Variants in ANKHD1 observed in about 807,000 individuals in gnomAD.
The protein encoded by ANKHD1 is ankyrin repeat and KH domain containing 1.
Under a neutral mutation model 230.5 loss-of-function variants are expected in ANKHD1, and 31 were observed. The observed-to-expected ratio is 0.13, with a 90% CI of 0.10 to 0.18. The LOEUF (loss-of-function observed/expected upper bound fraction) is 0.18. Ranked by LOEUF, ANKHD1 falls within the 10% of genes least tolerant of loss-of-function variation. ANKHD1 has a pLI of 1.00. For missense variants in ANKHD1, 2,256 were observed against 3,071.3 expected (o/e 0.73, Z 6.27); for synonymous variants, 1,074 against 1,117.6 (o/e 0.96, Z 0.78).
intron 1 of ANKHD1, among the ~76,000 whole-genome samples, chr5:140,416,912 G>C (rs532606504): frequency 6.7e-6 from 1 of 150,322 alleles, no homozygotes; most frequent in African/African-American, 2.4e-5. Context: ...GGATTGTATT[G>C]AATCTATAGA....
At chr5:140,497,319 T>C in intron 15 of ANKHD1, 41 bp downstream of exon 15, 1 of 1,550,068 alleles carries the variant, frequency 6.5e-7, no homozygotes, top group Non-Finnish European at 8.6e-7. Context: ...CTCTTTAATC[T>C]GTGTGCTGAA....
chr5:140,494,509 T>C (rs751494196), intron 14 of ANKHD1, among the ~76,000 whole-genome samples: 39 of 152,266 alleles, frequency 2.6e-4, no homozygotes, highest in Non-Finnish European at 5.0e-4. Context: ...ACTAAGCCTC[T>C]GAAAGTGATT....
At chr5:140,503,553 C>CTTTTTTTTTTTTTTTTTTTTTTTTTTT (rs70988767) in intron 15 of ANKHD1, among the ~76,000 whole-genome samples, 1 of 51,412 alleles carries the variant, frequency 1.9e-5, no homozygotes, top group Non-Finnish European at 3.3e-5. Flanking sequence ...AGTTTTCTTT[C>CTTTTTTTTTTTTTTTTTTTTTTTTTTT]TTTTTTTTTT....
At chr5:140,526,662 C>T (rs1199412632) in intron 26 of ANKHD1, among the ~76,000 whole-genome samples, 1 of 150,078 alleles carries the variant, frequency 6.7e-6, no homozygotes, top group East Asian at 2.0e-4. Flanking sequence ...GATTCATAGT[C>T]TGAAGTTGAA....
At chr5:140,479,969 G>A (rs1751196470) in intron 10 of ANKHD1, among the ~76,000 whole-genome samples, 1 of 148,624 alleles carries the variant, frequency 6.7e-6, no homozygotes, top group African/African-American at 2.5e-5. Flanking sequence ...TACATATATA[G>A]ATATATTATT....
chr5:140,462,724 CAA>C (rs70988762), intron 9 of ANKHD1, among the ~76,000 whole-genome samples: 15 of 89,008 alleles, frequency 1.7e-4, no homozygotes, highest in Admixed American at 2.8e-4. Flanking sequence ...GACTCCATCT[CAA>C]AAAAAAAAAA....
Position 140,527,735 on chromosome 5 carries a change from A to G in ANKHD1, c.5088-138A>G. The G allele has an allele frequency of 2.7e-6, 3 of 1,122,376 alleles. No homozygotes were observed. 69.5% of individuals were successfully genotyped at this position (1,122,376 alleles called of 1,614,324 possible). A position where few individuals can be genotyped will look rare whatever the true frequency, so the allele number is the denominator to read the frequency against. On this transcript the variant is annotated intron_variant, in intron 27 of 33. Transcript: ENST00000360839. This position sits in a 1 kb window ranked among gnomAD's most constrained non-coding sequence, Gnocchi z 4.5. ...ATTACAAGAGATCAATTTCTAAAATAAAAACTTTTAATAATTTCCTCTTTA... is the reference window on the plus strand; with the variant it reads ...ATTACAAGAGATCAATTTCTAAAATGAAAACTTTTAATAATTTCCTCTTTA...
chr5:140,470,452 C>T (rs977922172), intron 10 of ANKHD1, among the ~76,000 whole-genome samples: 11 of 151,068 alleles, frequency 7.3e-5, no homozygotes, highest in Non-Finnish European at 1.5e-4. Flanking sequence ...CTGTTAACGT[C>T]CTTCAAGATA....
intron 14 of ANKHD1, among the ~76,000 whole-genome samples, chr5:140,494,529 T>C (rs914869686): frequency 1.3e-5 from 2 of 152,208 alleles, no homozygotes; most frequent in Admixed American, 6.5e-5. Flanking sequence ...TGCAGTGATA[T>C]TGAAATTGTG....
rs77258893 is a variant in ANKHD1 at position 140,433,657 on chromosome 5, G to T, written c.307-2447G>T. ...TTTTGTATTATCATAGTGAGAGAGAGATATATATATCTCAAATGCGCCTTT... is the reference window on the plus strand; with the variant it reads ...TTTTGTATTATCATAGTGAGAGAGATATATATATATCTCAAATGCGCCTTT... On this transcript the variant is annotated intron_variant, in intron 1 of 33. Coordinates refer to ENST00000360839, the MANE Select transcript of ANKHD1 (RefSeq NM_017747.3). Among the ~76,000 whole-genome samples the T allele has an allele frequency of 5.1e-3, 777 of 152,130 alleles. 6 individuals carry two copies. The highest frequency in any genetic ancestry group is 0.017 in the African/African-American group (719 of 41,510).
intron 8 of ANKHD1, 58 bp from the exon 9 acceptor site, chr5:140,459,102 AAATT>A: frequency 7.5e-7 from 1 of 1,339,268 alleles, no homozygotes; most frequent in Non-Finnish European, 9.7e-7. Flanking sequence ...ACAATTCAGA[AAATT>A]AATATCTTTA....
chr5:140,531,474 G>C, intron 29 of ANKHD1: 1 of 194,756 alleles, frequency 5.1e-6, no homozygotes, highest in Non-Finnish European at 1.1e-5. Context: ...CCAGCTACTT[G>C]GGAGGCTGAG....
At position 140,537,408 on chromosome 5, in the gene ANKHD1, G is replaced by A. The variant is rs779487626; in HGVS notation, c.7047G>A (p.Thr2349=). 2.9e-5 allele frequency: 47 copies of A among 1,613,916 alleles called. No individual in the cohort carries two copies. The East Asian group carries it at 7.4e-4, about 25-fold the overall frequency. The change falls in exon 31 of 34, where the codon ACG becomes ACA. Residue 2349 remains threonine (T), a synonymous_variant. Transcript: ENST00000360839. ...TTTCAGCCACTTCTGCCCCACCAAC[G>A]TTGGGCCAACCAAAAGGAGTCAGTG... ...ASNSSTSAPP[T]LGQPKGVSAS...
chr5:140,452,595 T>TA (rs1241719102), intron 7 of ANKHD1, among the ~76,000 whole-genome samples: 1 of 152,136 alleles, frequency 6.6e-6, no homozygotes, highest in Non-Finnish European at 1.5e-5. Flanking sequence ...CCGCTGCTGA[T>TA]ACCCAGGCAA....
At chr5:140,460,943 T>C (rs532605839) in intron 9 of ANKHD1, among the ~76,000 whole-genome samples, 1 of 152,322 alleles carries the variant, frequency 6.6e-6, no homozygotes, top group African/African-American at 2.4e-5. Flanking sequence ...CAGTCATTTT[T>C]CCCCTATCAT....
chr5:140,463,207 A>G (rs1364525265), intron 9 of ANKHD1, among the ~76,000 whole-genome samples: 3 of 152,052 alleles, frequency 2.0e-5, no homozygotes, highest in African/African-American at 4.8e-5. Flanking sequence ...AATATATAAG[A>G]TGGCCTTTAC....
chr5:140,538,984 A>C lies in ANKHD1; in HGVS notation c.7470A>C (p.Pro2490=). ...IPSHPQLADV[P]GGPLFNGLHN... is the part of the protein sequence containing the mutation. Reference sequence around the variant, plus strand: ...CTCATCCTCAGCTTGCTGATGTTCCAGGAGGCCCTCTGTTTAATGGACTTC... The same window carrying C: ...CTCATCCTCAGCTTGCTGATGTTCCCGGAGGCCCTCTGTTTAATGGACTTC... Residue 2490 remains proline (P), a synonymous_variant, in exon 33 of 34, where the codon CCA becomes CCC. Transcript: ENST00000360839. 6.2e-7 allele frequency: 1 copy of C among 1,611,490 alleles called. No homozygotes were observed.
intron 1 of ANKHD1, among the ~76,000 whole-genome samples, chr5:140,421,104 C>A (rs1771939185): frequency 6.6e-6 from 1 of 152,042 alleles, no homozygotes; most frequent in Non-Finnish European, 1.5e-5. Context: ...CCCTGTGCAT[C>A]CCCTCTCTCA....
At chr5:140,404,967 C>CTGTGTGTGTGTGTGTGTGTGTGTGTG (rs35692572) in intron 1 of ANKHD1, among the ~76,000 whole-genome samples, 1 of 134,832 alleles carries the variant, frequency 7.4e-6, no homozygotes, top group Non-Finnish European at 1.6e-5. Context: ...CTGTGCATGT[C>CTGTGTGTGTGTGTGTGTGTGTGTGTG]TGTGTGTGTG....
Sources: allele counts gnomAD v4.1 joint callset (sites outside exome capture counted in the v4.1 genomes callset), GRCh38; gene constraint gnomAD v4.1.1; non-coding constraint Gnocchi (gnomAD v3.1); transcripts MANE v1.5; gene names NCBI Gene and HGNC (gene_info 2026-07-23, HGNC 2026-07-21).